Variants in NEK11 observed in about 807,000 individuals in gnomAD.
NEK11 encodes serine/threonine-protein kinase Nek11.
Under a neutral mutation model 80.7 loss-of-function variants are expected in NEK11, and 72 were observed. That is an observed-to-expected ratio of 0.89 (90% CI 0.74 to 1.08). The LOEUF is 1.08. Among genes scored for constraint, NEK11 ranks in the 50% least tolerant of loss-of-function variants. The pLI, the probability that NEK11 is intolerant of heterozygous loss-of-function variation, is 0.00. For missense variants in NEK11, 764 were observed against 763.6 expected, an observed-to-expected ratio of 1.00 and a Z score of -0.01; for synonymous variants, 251 against 260.7, an observed-to-expected ratio of 0.96 and a Z score of 0.36.
intron 17 of NEK11, among the ~76,000 whole-genome samples, chr3:131,288,944 G>A (rs891828205): frequency 2.0e-5 from 3 of 152,262 alleles, no homozygotes; most frequent in South Asian, 2.1e-4. Flanking sequence ...ACTATAAAAC[G>A]GAGATTAAAA....
intron 4 of NEK11, among the ~76,000 whole-genome samples, chr3:131,106,666 T>C (rs959918356): frequency 6.6e-6 from 1 of 152,174 alleles, no homozygotes; most frequent in African/African-American, 2.4e-5. Flanking sequence ...ATATTTTAGG[T>C]TTGTTTCTAA....
At chr3:131,337,262 A>G (rs2097200964) in intron 17 of NEK11, among the ~76,000 whole-genome samples, 1 of 151,624 alleles carries the variant, frequency 6.6e-6, no homozygotes, top group Non-Finnish European at 1.5e-5. Flanking sequence ...TGGCACATAT[A>G]CACCATGGAA....
chr3:131,069,099 G>A (rs1161043770), intron 3 of NEK11, among the ~76,000 whole-genome samples: 1 of 151,792 alleles, frequency 6.6e-6, no homozygotes, highest in Non-Finnish European at 1.5e-5. Flanking sequence ...TTATAAACAA[G>A]GTTAAAGAAC....
At chr3:131,100,034 T>G (rs969885574) in intron 4 of NEK11, among the ~76,000 whole-genome samples, 1 of 152,184 alleles carries the variant, frequency 6.6e-6, no homozygotes, top group Non-Finnish European at 1.5e-5. Flanking sequence ...CTCATCTTGT[T>G]CCAGTTCTCA....
At chr3:131,146,233 T>C (rs1328238726) in intron 7 of NEK11, among the ~76,000 whole-genome samples, 4 of 152,132 alleles carry the variant, frequency 2.6e-5, no homozygotes, top group African/African-American at 7.2e-5. Flanking sequence ...CTTCTGTTAC[T>C]TGGACTTGCA....
In NEK11 at chr3:131,350,160, T is replaced by G. The variant is rs988763061; in HGVS notation, c.*384T>G. ...CAGTGCCTGACTGCCTAGGGTCTCA[T>G]GGACTGTAGGCAGCCTGCCAGTGAA... On this transcript the variant is annotated 3_prime_UTR_variant, in exon 18 of 18. Coordinates refer to ENST00000383366, the MANE Select transcript of NEK11 (RefSeq NM_024800.5). The G allele has an allele frequency of 1.0e-5, 2 of 192,522 alleles. No homozygotes were observed. Among genetic ancestry groups the G allele is most frequent in the African/African-American group, 4.7e-5 (2 of 42,236 alleles). 11.9% of individuals were successfully genotyped at this position (192,522 alleles called of 1,614,324 possible).
intron 4 of NEK11, among the ~76,000 whole-genome samples, chr3:131,106,664 G>C (rs1031891748): frequency 5.9e-5 from 9 of 152,052 alleles, no homozygotes; most frequent in Admixed American, 2.6e-4. Context: ...AAATATTTTA[G>C]GTTTGTTTCT....
intron 17 of NEK11, among the ~76,000 whole-genome samples, chr3:131,308,478 G>C (rs530542969): frequency 2.5e-4 from 38 of 152,136 alleles, no homozygotes; most frequent in Non-Finnish European, 4.9e-4. Context: ...AAGTGAATGG[G>C]GGCAGAGGAC....
intron 14 of NEK11, 40 bp from the exon 15 acceptor site, chr3:131,228,488 T>G (rs746529370): frequency 9.7e-6 from 15 of 1,538,806 alleles, no homozygotes; most frequent in African/African-American, 4.1e-5. Flanking sequence ...ATTATAATTT[T>G]AATAACTGGT....
At chr3:131,094,300 T>C (rs2077129892) in intron 4 of NEK11, among the ~76,000 whole-genome samples, 1 of 151,924 alleles carries the variant, frequency 6.6e-6, no homozygotes, top group Non-Finnish European at 1.5e-5. Flanking sequence ...CTGGTAAAAA[T>C]ATACTTTAGC....
At chr3:131,298,056 G>A (rs1344554582) in intron 17 of NEK11, among the ~76,000 whole-genome samples, 2 of 152,118 alleles carry the variant, frequency 1.3e-5, no homozygotes, top group Non-Finnish European at 2.9e-5. Flanking sequence ...ATGCTGTCTT[G>A]GTTACTGTAG....
At chr3:131,181,276 T>C (rs984770170) in intron 14 of NEK11, among the ~76,000 whole-genome samples, 1 of 152,084 alleles carries the variant, frequency 6.6e-6, no homozygotes, top group Non-Finnish European at 1.5e-5. Flanking sequence ...TTGCTAGCTT[T>C]GAAGATGGAG....
At chr3:131,217,016 T>C (rs2094861562) in intron 14 of NEK11, among the ~76,000 whole-genome samples, 1 of 151,916 alleles carries the variant, frequency 6.6e-6, no homozygotes, top group South Asian at 2.1e-4. Context: ...GGTCTCAGAG[T>C]GTGCCCTTCC....
chr3:131,107,101 C>T (rs1161363226), intron 4 of NEK11, among the ~76,000 whole-genome samples: 2 of 151,812 alleles, frequency 1.3e-5, no homozygotes, highest in African/African-American at 4.8e-5. Context: ...GAGTGTGTCC[C>T]ATTGCTTTTG....
intron 3 of NEK11, among the ~76,000 whole-genome samples, chr3:131,064,898 C>T (rs918250986): frequency 4.0e-5 from 6 of 151,822 alleles, no homozygotes; most frequent in Admixed American, 3.3e-4. Flanking sequence ...GTAGAGAAGA[C>T]ATTCTGGAAG....
intron 17 of NEK11, chr3:131,330,148 A>C (rs1490984515): frequency 6.6e-6 from 1 of 152,238 alleles, no homozygotes; most frequent in East Asian, 1.9e-4. Flanking sequence ...CTGATTATGA[A>C]AGGAACTGGA....
chr3:131,045,401 T>A (rs2067232386), intron 3 of NEK11, among the ~76,000 whole-genome samples: 1 of 152,240 alleles, frequency 6.6e-6, no homozygotes, highest in African/African-American at 2.4e-5. Flanking sequence ...GATTTTATTG[T>A]TCACCCAACA....
At chr3:131,204,563 G>A (rs1363786199) in intron 14 of NEK11, among the ~76,000 whole-genome samples, 3 of 151,914 alleles carry the variant, frequency 2.0e-5, no homozygotes, top group Admixed American at 6.6e-5. Flanking sequence ...CATTGCAGTA[G>A]TAATTGCTTG....
intron 7 of NEK11, among the ~76,000 whole-genome samples, chr3:131,136,550 T>G (rs1160908195): frequency 1.3e-5 from 2 of 152,186 alleles, no homozygotes; most frequent in Admixed American, 1.3e-4. Context: ...AGAATTTGCT[T>G]AAAGGAGAAT....
Sources: allele counts gnomAD v4.1 joint callset (sites outside exome capture counted in the v4.1 genomes callset), GRCh38; gene constraint gnomAD v4.1.1; transcripts MANE v1.5; gene names NCBI Gene and HGNC (gene_info 2026-07-23, HGNC 2026-07-21).